SASH1: variants seen among roughly 807,000 people sequenced by gnomAD.
SASH1 encodes SAM and SH3 domain-containing protein 1.
A neutral mutation model predicts 125.2 loss-of-function variants in SASH1; 44 were observed. The ratio of observed to expected loss-of-function variants is 0.35; its 90% CI spans 0.28 to 0.45. The LOEUF (loss-of-function observed/expected upper bound fraction) is 0.45, where lower values mean the gene tolerates loss of function less well. Ranked by LOEUF, SASH1 falls within the 20% of genes least tolerant of loss-of-function variation. The probability of loss-of-function intolerance (pLI) is 1.00; values close to 1 mark genes in which losing one functional copy is unlikely to be tolerated. For synonymous variants in SASH1, 639 were observed against 649.1 expected (o/e 0.98, Z 0.24); for missense variants, 1,426 against 1,614.5 (o/e 0.88, Z 2.00).
At chr6:148,475,411 A>G (rs1389548854) in intron 7 of SASH1, among the ~76,000 whole-genome samples, 3 of 152,206 alleles carry the variant, frequency 2.0e-5, no homozygotes, top group Non-Finnish European at 4.4e-5. Flanking sequence ...TGCTCTTCTA[A>G]GATGACACCT....
chr6:148,233,913 CA>C, the SASH1 span, among the ~76,000 whole-genome samples: 92 of 114,874 alleles, frequency 8.0e-4, no homozygotes, highest in South Asian at 7.3e-3. Flanking sequence ...ACTCTGTTTC[CA>C]AAAAAAAAAA....
chr6:148,270,866 G>C (rs1027064253), upstream of SASH1, among the ~76,000 whole-genome samples: 1 of 151,628 alleles, frequency 6.6e-6, no homozygotes, highest in Non-Finnish European at 1.5e-5. Context: ...TCTAGGGACA[G>C]GTCTTTGTCT....
At chr6:148,534,939 T>G in intron 16 of SASH1, 38 bp downstream of exon 16, 1 of 1,608,016 alleles carries the variant, frequency 6.2e-7, no homozygotes, top group Admixed American at 1.7e-5. Context: ...CCCTGTGAGG[T>G]CTGCCACAGC....
chr6:148,444,142 G>A (rs114360376), intron 4 of SASH1, among the ~76,000 whole-genome samples: 1,865 of 152,292 alleles, frequency 0.012, 29 homozygotes, highest in East Asian at 0.073. Context: ...CTCCTGCCTC[G>A]CAGATCCAGT....
chr6:148,289,017 G>A (rs970512650), intron 1 of SASH1, among the ~76,000 whole-genome samples: 9 of 150,888 alleles, frequency 6.0e-5, no homozygotes, highest in South Asian at 2.1e-4. Flanking sequence ...TTTTTGTGAC[G>A]GAGTTTCACT....
intron 2 of SASH1, among the ~76,000 whole-genome samples, chr6:148,427,139 A>C (rs1775858592): frequency 6.6e-6 from 1 of 151,760 alleles, no homozygotes; most frequent in Non-Finnish European, 1.5e-5. Context: ...ACAGAGTGAG[A>C]CTCTGTCTCA....
intron 8 of SASH1, among the ~76,000 whole-genome samples, chr6:148,496,654 C>T (rs1583254897): frequency 6.6e-6 from 1 of 152,058 alleles, no homozygotes; most frequent in Non-Finnish European, 1.5e-5. Context: ...CACTTTGGGA[C>T]GCTGAGGCAG....
At chr6:148,446,329 T>C (rs369160282) in intron 4 of SASH1, among the ~76,000 whole-genome samples, 376 of 152,074 alleles carry the variant, frequency 2.5e-3, no homozygotes, top group East Asian at 7.2e-3. Flanking sequence ...AGGATGGTCT[T>C]GATCTCCTGA....
rs1284727596 is a variant in SASH1 at position 148,519,711 on chromosome 6, A to G, written c.1027A>G (p.Thr343Ala). The G allele has an allele frequency of 6.2e-7, 1 of 1,614,018 alleles. No individual in the cohort carries two copies. The highest frequency in any genetic ancestry group is 1.3e-5 in the African/African-American group (1 of 74,922). The change falls in exon 10 of 20, where the codon ACC becomes GCC. Residue 343 changes from threonine to alanine, a missense_variant. This residue lies in a region of SASH1 where 567 missense variants were observed against 575.6 expected (regional missense o/e 0.99). Coordinates refer to ENST00000367467, the MANE Select transcript of SASH1 (RefSeq NM_015278.5). This position sits in a 1 kb window ranked among gnomAD's most constrained non-coding sequence, Gnocchi z 4.8. ...GTCTCCATCCTCCAGCAGCCTGGAC[A>G]CCTGGGGGGCTGGCCGGAAGTTGGT... The part of the protein sequence containing the change: ...TTSPSSSSLD[T>A]WGAGRKLVKT...
At chr6:148,251,135 T>C in the SASH1 span, among the ~76,000 whole-genome samples, 1 of 152,174 alleles carries the variant, frequency 6.6e-6, no homozygotes, top group Non-Finnish European at 1.5e-5. Flanking sequence ...AGTTCATCCT[T>C]TTAGGAACTC....
intron 1 of SASH1, among the ~76,000 whole-genome samples, chr6:148,295,642 C>A (rs1779745062): frequency 6.6e-6 from 1 of 152,210 alleles, no homozygotes; most frequent in African/African-American, 2.4e-5. Flanking sequence ...ATCTCGGCAG[C>A]CTGTGATACA....
chr6:148,545,968 C>CA, intron 18 of SASH1, 47 bp from the exon 19 acceptor site: 3 of 1,589,324 alleles, frequency 1.9e-6, no homozygotes, highest in Non-Finnish European at 2.6e-6. Flanking sequence ...GAAAGAAAAA[C>CA]AAAATCCTTA....
rs1229187219 is a variant in SASH1 at position 148,549,479 on chromosome 6, T to G, written c.*921T>G. 5.0e-6 allele frequency: 2 copies of G among 396,820 alleles called. No individual in the cohort carries two copies. The highest frequency in any genetic ancestry group is 8.8e-5 in the Admixed American group (2 of 22,680). 24.6% of individuals were successfully genotyped at this position (396,820 alleles called of 1,614,324 possible). A position where few individuals can be genotyped will look rare whatever the true frequency, so the allele number is the denominator to read the frequency against. ...TTGGTTTTAACCAGTTTAGTATCGT[T>G]ACTGTGTGGATCGTCGCGCTGCAGT... On this transcript the variant is annotated 3_prime_UTR_variant, in exon 20 of 20. Transcript: ENST00000367467.
intron 2 of SASH1, among the ~76,000 whole-genome samples, chr6:148,412,385 C>T (rs978582091): frequency 6.6e-6 from 1 of 152,006 alleles, no homozygotes; most frequent in Non-Finnish European, 1.5e-5. Context: ...TATAGTTACA[C>T]CTACAGCATC....
chr6:148,247,275 C>T, the SASH1 span, among the ~76,000 whole-genome samples: 1 of 152,260 alleles, frequency 6.6e-6, no homozygotes, highest in South Asian at 2.1e-4. Flanking sequence ...CAAGGTTCAG[C>T]ACACCATAGG....
intron 2 of SASH1, among the ~76,000 whole-genome samples, chr6:148,439,861 T>G (rs980987646): frequency 1.3e-5 from 2 of 152,210 alleles, no homozygotes; most frequent in African/African-American, 4.8e-5. Flanking sequence ...AGTGTCTTAG[T>G]GACCAACTAA....
chr6:148,263,325 C>T, the SASH1 span, among the ~76,000 whole-genome samples: 1 of 152,120 alleles, frequency 6.6e-6, no homozygotes, highest in African/African-American at 2.4e-5. Context: ...GAACTCGTGT[C>T]CTGGGGAAGC....
intron 2 of SASH1, among the ~76,000 whole-genome samples, chr6:148,431,651 A>C (rs139370704): frequency 6.6e-6 from 1 of 151,462 alleles, no homozygotes; most frequent in Non-Finnish European, 1.5e-5. Context: ...ACCGCCCTGC[A>C]CTAGTCCATG....
At chr6:148,324,830 C>T (rs1032794943) in intron 1 of SASH1, among the ~76,000 whole-genome samples, 4 of 152,132 alleles carry the variant, frequency 2.6e-5, no homozygotes, top group African/African-American at 9.7e-5. Context: ...TCTGGTCAAA[C>T]TAGGACGGCT....
Sources: gnomAD v4.1 joint callset for allele counts (sites outside exome capture counted in the v4.1 genomes callset) on GRCh38, gnomAD v4.1.1 for gene constraint, gnomAD v4.1.1 regional missense constraint, Gnocchi (gnomAD v3.1) non-coding constraint, MANE v1.5 for transcripts, NCBI Gene and HGNC (gene_info 2026-07-23, HGNC 2026-07-21) for gene names.